The following ENPEP variants were observed in gnomAD, a reference collection of about 807,000 sequenced individuals.
The protein encoded by ENPEP is AP-A.
ENPEP carries 103 observed loss-of-function variants against 114.5 expected under a neutral mutation model. The ratio of observed to expected loss-of-function variants is 0.90; its 90% CI spans 0.77 to 1.06. The LOEUF (loss-of-function observed/expected upper bound fraction) is 1.06, where lower values mean the gene tolerates loss of function less well. ENPEP is among the 50% of genes least tolerant of loss of function. ENPEP has a pLI of 0.00. For missense variants in ENPEP, 1,196 were observed against 1,161.3 expected (o/e 1.03, Z -0.43); for synonymous variants, 420 against 422.0 (o/e 1.00, Z 0.06).
chr4:110,505,440 T>A (rs1464982119), intron 3 of ENPEP, among the ~76,000 whole-genome samples: 2 of 152,232 alleles, frequency 1.3e-5, no homozygotes, highest in East Asian at 3.8e-4. Flanking sequence ...GATGTGAGAA[T>A]AGTGAGCCAG....
chr4:110,504,221 T>G lies in ENPEP; in HGVS notation c.919-2416T>G, dbSNP rs554118726. Reference sequence around the variant, plus strand: ...TTGGTGCAATCAGCCCGGGGTCAGGTGGTTGTATTGTGGGCCCAAGCCAAG... The same window carrying G: ...TTGGTGCAATCAGCCCGGGGTCAGGGGGTTGTATTGTGGGCCCAAGCCAAG... On this transcript the variant is annotated intron_variant, in intron 3 of 19. Coordinates refer to ENST00000265162, the MANE Select transcript of ENPEP (RefSeq NM_001977.4). 1.1e-4 allele frequency among the ~76,000 whole-genome samples: 17 copies of G among 151,752 alleles called. No individual in the cohort carries two copies. The East Asian group carries it at 3.1e-3, about 28-fold the overall frequency.
chr4:110,512,327 C>T (rs558665146), intron 6 of ENPEP, among the ~76,000 whole-genome samples: 1 of 152,202 alleles, frequency 6.6e-6, no homozygotes, highest in East Asian at 1.9e-4. Flanking sequence ...ATCACACACA[C>T]AGCTGGTAGC....
rs966904880 is a variant in ENPEP, at chr4:110,491,126, T to C, written c.880T>C (p.Phe294Leu). Residue 294 changes from phenylalanine (F) to leucine (L), a missense_variant, in exon 3 of 20, where the codon TTT (phenylalanine) becomes CTT (leucine). Physicochemically the swap from Phe to Leu is conservative, Grantham distance 22. Transcript: ENST00000265162. ...TYLVCFAVHQ[F>L]DSVKRISNSG... ...CCTGGTGTGCTTTGCTGTACATCAA[T>C]TTGACTCTGTAAAGAGAATATCAAA... The C allele has an allele frequency of 4.3e-6, 7 of 1,611,528 alleles. No individual in the cohort carries two copies. The African/African-American group carries it at 8.0e-5, about 18-fold the overall frequency.
chr4:110,520,311 A>G lies in ENPEP; in HGVS notation c.1672A>G (p.Lys558Glu). ...NVNGVKNITQ[K>E]RFLLDPRANP... ...GAACGGTGTCAAGAACATCACACAGAAACGCTTTTTGTTGGACCCAAGAGC... is the reference window on the plus strand; with the variant it reads ...GAACGGTGTCAAGAACATCACACAGGAACGCTTTTTGTTGGACCCAAGAGC... Residue 558 changes from lysine to glutamate, a missense_variant, in exon 10 of 20, where the codon AAA becomes GAA. Transcript: ENST00000265162. The G allele has an allele frequency of 1.2e-6, 2 of 1,614,104 alleles. No individual in the cohort carries two copies. The highest frequency in any genetic ancestry group is 1.7e-6 in the Non-Finnish European group (2 of 1,179,976).
intron 11 of ENPEP, among the ~76,000 whole-genome samples, chr4:110,538,643 G>C (rs186642523): frequency 5.9e-5 from 9 of 152,122 alleles, no homozygotes; most frequent in Admixed American, 5.9e-4. Flanking sequence ...TTTATGTTTA[G>C]AACTTGGCTA....
intron 12 of ENPEP, 58 bp downstream of exon 12, chr4:110,542,945 G>T: frequency 6.2e-7 from 1 of 1,610,160 alleles, no homozygotes; most frequent in Non-Finnish European, 8.5e-7. Context: ...GCATCTTAAT[G>T]ATATTAATTT....
chr4:110,509,660 C>T lies in ENPEP; in HGVS notation c.1047C>T (p.Ile349=), dbSNP rs772359399. 8 of 1,611,454 alleles carry T rather than the reference C, an allele frequency of 5.0e-6. No homozygotes were observed. Among genetic ancestry groups the T allele is most frequent in the Admixed American group, 3.4e-5 (2 of 59,290 alleles). ...CTCTTTCTTCTTCTATAGATAAAAT[C>T]GCTATTCCAGATTTTGGCACTGGTG... ...MNYSLPKLDK[I]AIPDFGTGAM... The change falls in exon 5 of 20, where the codon ATC becomes ATT. Residue 349 remains isoleucine (I), a synonymous_variant. Coordinates refer to ENST00000265162, the MANE Select transcript of ENPEP (RefSeq NM_001977.4).
intron 1 of ENPEP, among the ~76,000 whole-genome samples, chr4:110,483,898 T>C (rs1407951611): frequency 6.6e-6 from 1 of 152,214 alleles, no homozygotes. Context: ...TTTTCAACTT[T>C]GCACACACTT....
chr4:110,535,739 C>T (rs1286516748), intron 11 of ENPEP, among the ~76,000 whole-genome samples: 1 of 152,166 alleles, frequency 6.6e-6, no homozygotes, highest in Non-Finnish European at 1.5e-5. Context: ...GTAATCCCAA[C>T]ACTTTGGGAG....
intron 3 of ENPEP, among the ~76,000 whole-genome samples, chr4:110,492,817 A>G (rs940888793): frequency 1.3e-5 from 2 of 152,220 alleles, no homozygotes; most frequent in Non-Finnish European, 2.9e-5. Flanking sequence ...CCGTCTCATA[A>G]CAAACATGCA....
chr4:110,496,843 G>A (rs1319046667), intron 3 of ENPEP, among the ~76,000 whole-genome samples: 1 of 152,178 alleles, frequency 6.6e-6, no homozygotes, highest in Non-Finnish European at 1.5e-5. Context: ...CTTATTCCTG[G>A]TGATGCTAAC....
At chr4:110,504,152 G>A (rs1028249909) in intron 3 of ENPEP, among the ~76,000 whole-genome samples, 1 of 152,130 alleles carries the variant, frequency 6.6e-6, no homozygotes, top group African/African-American at 2.4e-5. Flanking sequence ...CTTTTCACCG[G>A]TCTTTTGGAA....
intron 7 of ENPEP, 35 bp from the exon 8 acceptor site, chr4:110,515,342 T>G: frequency 6.5e-7 from 1 of 1,543,386 alleles, no homozygotes; most frequent in Non-Finnish European, 8.9e-7. Flanking sequence ...ACATAGCCTT[T>G]ATTAGTTTCA....
At chr4:110,505,296 A>T (rs574628375) in intron 3 of ENPEP, among the ~76,000 whole-genome samples, 1 of 152,290 alleles carries the variant, frequency 6.6e-6, no homozygotes, top group East Asian at 1.9e-4. Flanking sequence ...GAGAAAATGT[A>T]TCATCACTTC....
intron 4 of ENPEP, among the ~76,000 whole-genome samples, chr4:110,507,235 T>C (rs2110351278): frequency 1.3e-5 from 2 of 152,304 alleles, no homozygotes; most frequent in Non-Finnish European, 2.9e-5. Flanking sequence ...TCCCCAGCAG[T>C]TTAATGAAAT....
intron 3 of ENPEP, among the ~76,000 whole-genome samples, chr4:110,492,643 G>T (rs953823243): frequency 6.6e-6 from 1 of 152,188 alleles, no homozygotes; most frequent in African/African-American, 2.4e-5. Flanking sequence ...ACCTTCAGTC[G>T]TGGTAAAGGG....
In ENPEP at chr4:110,527,514, T is replaced by C. The variant is rs562319390; in HGVS notation, c.1728-3684T>C. Among the ~76,000 whole-genome samples, 4 of 152,256 alleles carry C rather than the reference T, an allele frequency of 2.6e-5. No homozygotes were observed. The East Asian group carries it at 5.8e-4, about 22-fold the overall frequency. ...TTACCTTTATTTTAGAAAGGAAAGA[T>C]TAGATGATGATGGAGAAAACATTTG... On this transcript the variant is annotated intron_variant, in intron 10 of 19. Coordinates refer to ENST00000265162, the MANE Select transcript of ENPEP (RefSeq NM_001977.4).
At chr4:110,540,866 C>T (rs193175557) in intron 11 of ENPEP, among the ~76,000 whole-genome samples, 30 of 152,242 alleles carry the variant, frequency 2.0e-4, no homozygotes, top group South Asian at 6.2e-4. Context: ...ATCTTCACAA[C>T]AGCCCTGTGA....
At chr4:110,486,002 C>A (rs1361322835) in intron 1 of ENPEP, among the ~76,000 whole-genome samples, 1 of 152,104 alleles carries the variant, frequency 6.6e-6, no homozygotes, top group Non-Finnish European at 1.5e-5. Flanking sequence ...CTTTAGGTAA[C>A]TTTCAGGGAG....
Sources: allele counts gnomAD v4.1 joint callset (sites outside exome capture counted in the v4.1 genomes callset), GRCh38; gene constraint gnomAD v4.1.1; transcripts MANE v1.5; gene names NCBI Gene and HGNC (gene_info 2026-07-23, HGNC 2026-07-21).